The following OR2C1 variants were observed in gnomAD, a reference collection of about 807,000 sequenced individuals.
The protein encoded by OR2C1 is olfactory receptor 2C1.
For missense variants in OR2C1, 468 were observed against 388.3 expected, an observed-to-expected ratio of 1.21 and a Z score of -1.73; for synonymous variants, 209 against 167.3, an observed-to-expected ratio of 1.25 and a Z score of -1.92.
the OR2C1 span, among the ~76,000 whole-genome samples, chr16:3,333,210 C>CTTTTTTTTTTTTTTTTTT: frequency 1.2e-4 from 4 of 33,030 alleles, 2 homozygotes; most frequent in African/African-American, 1.9e-4. Flanking sequence ...ATCTTTTGCC[C>CTTTTTTTTTTTTTTTTTT]ATTTTTTTTT....
the OR2C1 span, chr16:3,323,532 G>A: frequency 1.9e-5 from 14 of 750,634 alleles, no homozygotes; most frequent in Admixed American, 1.2e-4. Context: ...TCCACTATAC[G>A]CAGCATTTTT....
At chr16:3,347,693 T>A in the OR2C1 span, among the ~76,000 whole-genome samples, 3 of 152,268 alleles carry the variant, frequency 2.0e-5, no homozygotes, top group Non-Finnish European at 4.4e-5. Context: ...CTTAGCAATA[T>A]GCCTAGGATG....
rs2030691999 is a variant in OR2C1, at chr16:3,356,948, A to G, written c.*69A>G. Reference sequence around the variant, plus strand: ...CGTTTCTCATTAACTCTCTCTGGCCAGGTGAACATGAGGAATACTAATTCC... The same window carrying G: ...CGTTTCTCATTAACTCTCTCTGGCCGGGTGAACATGAGGAATACTAATTCC... On this transcript the variant is annotated 3_prime_UTR_variant, in exon 1 of 1. Transcript: ENST00000304936. 1 of 1,315,362 alleles carries G rather than the reference A, an allele frequency of 7.6e-7. No individual in the cohort carries two copies. The highest frequency in any genetic ancestry group is 1.0e-6 in the Non-Finnish European group (1 of 968,910). 81.5% of individuals were successfully genotyped at this position (1,315,362 alleles called of 1,614,324 possible). A position where few individuals can be genotyped will look rare whatever the true frequency, so the allele number is the denominator to read the frequency against.
the OR2C1 span, among the ~76,000 whole-genome samples, chr16:3,338,770 T>TCA: frequency 6.6e-6 from 1 of 152,038 alleles, no homozygotes; most frequent in Admixed American, 6.6e-5. Flanking sequence ...TCTCCTGACC[T>TCA]TGTGATCCGC....
chr16:3,351,445 A>T (rs1478412316), upstream of OR2C1, among the ~76,000 whole-genome samples: 3 of 152,106 alleles, frequency 2.0e-5, no homozygotes, highest in Non-Finnish European at 4.4e-5. Context: ...GAAGACATTA[A>T]TTGGAAGAAA....
At chr16:3,344,178 A>G in the OR2C1 span, among the ~76,000 whole-genome samples, 6 of 150,236 alleles carry the variant, frequency 4.0e-5, no homozygotes, top group Admixed American at 1.3e-4. Context: ...CCGAGATCGC[A>G]CCACTGCACT....
chr16:3,327,042 A>C, the OR2C1 span, among the ~76,000 whole-genome samples: 1 of 152,218 alleles, frequency 6.6e-6, no homozygotes, highest in African/African-American at 2.4e-5. Context: ...ATTCTAATAA[A>C]TACATAGAGT....
the OR2C1 span, among the ~76,000 whole-genome samples, chr16:3,324,367 T>G: frequency 6.6e-6 from 1 of 152,104 alleles, no homozygotes; most frequent in Non-Finnish European, 1.5e-5. Flanking sequence ...TTTTTTGTGT[T>G]TTAATAGAGA....
At chr16:3,347,851 C>T in the OR2C1 span, among the ~76,000 whole-genome samples, 39 of 9,158 alleles carry the variant, frequency 4.3e-3, no homozygotes, top group East Asian at 0.12. Flanking sequence ...CACATGCACA[C>T]GCACACACGC....
the OR2C1 span, among the ~76,000 whole-genome samples, chr16:3,350,391 GGTTTTTTT>G: frequency 2.9e-4 from 43 of 149,236 alleles, no homozygotes; most frequent in Non-Finnish European, 5.5e-4. Flanking sequence ...TTGGTTGGTT[GGTTTTTTT>G]GTTTTTTTGT....
At chr16:3,337,872 C>T in the OR2C1 span, among the ~76,000 whole-genome samples, 5 of 152,134 alleles carry the variant, frequency 3.3e-5, no homozygotes, top group African/African-American at 1.2e-4. Flanking sequence ...GTCTGGCTTG[C>T]TTTGATTTTC....
chr16:3,328,079 C>T, the OR2C1 span, among the ~76,000 whole-genome samples: 3 of 152,126 alleles, frequency 2.0e-5, no homozygotes, highest in African/African-American at 7.2e-5. Flanking sequence ...ATTTTCTCTC[C>T]TTTACCCTGG....
At chr16:3,334,608 T>G in the OR2C1 span, among the ~76,000 whole-genome samples, 1 of 149,646 alleles carries the variant, frequency 6.7e-6, no homozygotes, top group African/African-American at 2.5e-5. Context: ...GTACAGGGAT[T>G]ACAGGCAAGA....
chr16:3,354,473 C>T (rs998009211), upstream of OR2C1, among the ~76,000 whole-genome samples: 10 of 152,168 alleles, frequency 6.6e-5, no homozygotes, highest in African/African-American at 1.2e-4. Flanking sequence ...CTTATTTAAG[C>T]TTAAGTGAAG....
the OR2C1 span, among the ~76,000 whole-genome samples, chr16:3,347,181 A>G: frequency 7.5e-6 from 1 of 132,966 alleles, no homozygotes; most frequent in Non-Finnish European, 1.5e-5. Flanking sequence ...CGGGAGGCAG[A>G]GGTTGCAGTG....
At chr16:3,337,135 A>T in the OR2C1 span, among the ~76,000 whole-genome samples, 1 of 149,420 alleles carries the variant, frequency 6.7e-6, no homozygotes, top group East Asian at 2.0e-4. Context: ...GATTACAGGC[A>T]TGAGCCATTG....
rs11648783 is a variant in OR2C1, at chr16:3,356,626, G to A, written c.686G>A (p.Arg229His). The change falls in exon 1 of 1, where the codon CGC becomes CAC. Residue 229 changes from arginine to histidine, a missense_variant. By Grantham distance (29) the Arg-to-His change is conservative (BLOSUM62 0). Coordinates refer to ENST00000304936, the MANE Select transcript of OR2C1 (RefSeq NM_012368.3). ...ATTGCTCAGGCAGTGCTGAAAATCC[G>A]CTCTGCAGAGGGGAGGCGAAAGGCG... ...CLIAQAVLKI[R>H]SAEGRRKAFN... The A allele has an allele frequency of 0.28, 450,994 of 1,613,780 alleles. 64,269 individuals are homozygous for A. Among genetic ancestry groups the A allele is most frequent in the African/African-American group, 0.35 (26,207 of 74,918 alleles).
At chr16:3,346,977 G>T in the OR2C1 span, among the ~76,000 whole-genome samples, 1 of 149,748 alleles carries the variant, frequency 6.7e-6, no homozygotes, top group African/African-American at 2.4e-5. Flanking sequence ...AGTCGCGGTG[G>T]CTCACACCTG....
the OR2C1 span, among the ~76,000 whole-genome samples, chr16:3,326,146 G>T: frequency 4.0e-5 from 6 of 151,864 alleles, no homozygotes; most frequent in African/African-American, 1.4e-4. Context: ...TGTCAGGCTG[G>T]TCTTAAACTC....
Sources: gnomAD v4.1 joint callset for allele counts (sites outside exome capture counted in the v4.1 genomes callset) on GRCh38, gnomAD v4.1.1 for gene constraint, MANE v1.5 for transcripts, NCBI Gene and HGNC (gene_info 2026-07-23, HGNC 2026-07-21) for gene names.